NUP93: variants seen among roughly 807,000 people sequenced by gnomAD.
NUP93 encodes nuclear pore complex protein Nup93.
NUP93 carries 55 observed loss-of-function variants against 107.8 expected under a neutral mutation model. The observed-to-expected ratio is 0.51, with a 90% CI of 0.41 to 0.64. NUP93 has a LOEUF of 0.64. Ranked by LOEUF, NUP93 falls within the 30% of genes least tolerant of loss-of-function variation. NUP93 has a pLI of 0.00. For synonymous variants in NUP93, 390 were observed against 397.5 expected, an observed-to-expected ratio of 0.98 and a Z score of 0.22; for missense variants, 937 against 1,044.7, an observed-to-expected ratio of 0.90 and a Z score of 1.42.
At chr16:56,800,589 G>C (rs1962999356) in intron 4 of NUP93, among the ~76,000 whole-genome samples, 2 of 152,194 alleles carry the variant, frequency 1.3e-5, no homozygotes. Flanking sequence ...CCTTTGACCT[G>C]TCTGGACACC....
chr16:56,730,751 C>G (rs1480902853), intron 1 of NUP93, among the ~76,000 whole-genome samples: 2 of 152,134 alleles, frequency 1.3e-5, no homozygotes, highest in African/African-American at 4.8e-5. Flanking sequence ...GGTGGCCCAC[C>G]CTTCTCTGTG....
chr16:56,732,576 C>T lies in NUP93; in HGVS notation c.-15+2365C>T, dbSNP rs139482070. Among the ~76,000 whole-genome samples the T allele has an allele frequency of 1.5e-3, 230 of 152,274 alleles. 1 individual carries two copies. In the South Asian group the frequency reaches 0.034, roughly 23 times the overall value. On this transcript the variant is annotated intron_variant, in intron 1 of 21. Transcript: ENST00000308159. ...TAGTGGGTAGAGCAGGTGCAAAGAC[C>T]GTGCAGTGTGAACAGCTGGAGATGT...
chr16:56,829,693 G>C (rs1188025804), intron 9 of NUP93, among the ~76,000 whole-genome samples: 1 of 152,312 alleles, frequency 6.6e-6, no homozygotes, highest in Non-Finnish European at 1.5e-5. Context: ...ATGCACAAAT[G>C]CATGGAGGCA....
At chr16:56,764,294 C>T (rs1162600918) in intron 3 of NUP93, among the ~76,000 whole-genome samples, 1 of 152,118 alleles carries the variant, frequency 6.6e-6, no homozygotes, top group African/African-American at 2.4e-5. Flanking sequence ...AGTTCAAGAT[C>T]AGCCTAGTCA....
At chr16:56,822,564 CT>C (rs56395453) in intron 7 of NUP93, among the ~76,000 whole-genome samples, 2,842 of 126,912 alleles carry the variant, frequency 0.022, 41 homozygotes, top group East Asian at 0.079. Context: ...CTTTTCTTTT[CT>C]TTTTTTTTTT....
At chr16:56,756,718 A>G (rs1193091602) in intron 2 of NUP93, among the ~76,000 whole-genome samples, 1 of 152,202 alleles carries the variant, frequency 6.6e-6, no homozygotes, top group Non-Finnish European at 1.5e-5. Context: ...GAATTGCTAC[A>G]CTGTCTTCCA....
At position 56,844,892 on chromosome 16, in the gene NUP93, C is replaced by T; in HGVS notation, c.*283C>T. ...GGGAATGAGAGGCTATGTAGATATT[C>T]ATTATTTGGTTAAATTGACCTTAAT... On this transcript the variant is annotated 3_prime_UTR_variant, in exon 22 of 22. Coordinates refer to ENST00000308159, the MANE Select transcript of NUP93 (RefSeq NM_014669.5). 2 of 392,686 alleles carry T rather than the reference C, an allele frequency of 5.1e-6. No individual in the cohort carries two copies. The highest frequency in any genetic ancestry group is 2.1e-5 in the African/African-American group (1 of 48,338). The allele number at this position is 392,686 out of a possible 1,614,324, so 24.3% of individuals were successfully genotyped here.
chr16:56,733,379 G>A (rs1961563920), intron 1 of NUP93, among the ~76,000 whole-genome samples: 1 of 152,186 alleles, frequency 6.6e-6, no homozygotes. Context: ...GTGCAAGTCA[G>A]AGAAGGGGCG....
intron 2 of NUP93, among the ~76,000 whole-genome samples, chr16:56,750,360 A>G (rs1961896586): frequency 6.6e-6 from 1 of 152,250 alleles, no homozygotes; most frequent in African/African-American, 2.4e-5. Flanking sequence ...AGATGAGGGC[A>G]GAAGAGAGAA....
intron 3 of NUP93, among the ~76,000 whole-genome samples, chr16:56,769,890 T>C (rs1358815704): frequency 6.6e-6 from 1 of 152,234 alleles, no homozygotes; most frequent in African/African-American, 2.4e-5. Flanking sequence ...GCCGGAATGT[T>C]GAAATCTTGT....
At chr16:56,747,196 C>T (rs1163496957) in intron 1 of NUP93, among the ~76,000 whole-genome samples, 2 of 152,096 alleles carry the variant, frequency 1.3e-5, no homozygotes, top group African/African-American at 2.4e-5. Context: ...ATGGAGGTTT[C>T]ACCACGTTGG....
At chr16:56,817,188 C>T (rs1046112344) in intron 5 of NUP93, among the ~76,000 whole-genome samples, 1 of 152,160 alleles carries the variant, frequency 6.6e-6, no homozygotes, top group Non-Finnish European at 1.5e-5. Context: ...ATAGCCCCTT[C>T]ATTTGACTAA....
intron 20 of NUP93, among the ~76,000 whole-genome samples, chr16:56,840,610 C>G (rs1964004697): frequency 6.6e-6 from 1 of 152,224 alleles, no homozygotes; most frequent in Non-Finnish European, 1.5e-5. Flanking sequence ...CAGCTGTCGA[C>G]ACTATAGACT....
At chr16:56,807,909 C>A (rs1963178918) in intron 5 of NUP93, among the ~76,000 whole-genome samples, 1 of 151,198 alleles carries the variant, frequency 6.6e-6, no homozygotes, top group Non-Finnish European at 1.5e-5. Flanking sequence ...GTAATCCCAG[C>A]TACTCCAGGG....
intron 19 of NUP93, 135 bp downstream of exon 19, chr16:56,839,204 C>A: frequency 2.3e-6 from 1 of 433,820 alleles, no homozygotes; most frequent in East Asian, 4.1e-5. Context: ...AAGTACAATC[C>A]TGGGACTTAA....
intron 5 of NUP93, among the ~76,000 whole-genome samples, chr16:56,811,468 T>C (rs2144589512): frequency 6.6e-6 from 1 of 152,190 alleles, no homozygotes; most frequent in East Asian, 1.9e-4. Flanking sequence ...CAGCAGGCTT[T>C]GGGTCCCCAA....
rs191233434 is a variant in NUP93, at chr16:56,841,797, A to T, written c.2313A>T (p.Ser771=). 1 of 1,614,232 alleles carries T rather than the reference A, an allele frequency of 6.2e-7. No individual in the cohort carries two copies. The highest frequency in any genetic ancestry group is 8.5e-7 in the Non-Finnish European group (1 of 1,180,026). Residue 771 remains serine, a synonymous_variant, in exon 21 of 22, where the codon TCA becomes TCT. Coordinates refer to ENST00000308159, the MANE Select transcript of NUP93 (RefSeq NM_014669.5). ...TCAAGGGGACAAGTCCATCCTCGTC[A>T]TCCAGGCCCCAGCGAGTCATCGAGG... ...KRLKGTSPSS[S]SRPQRVIEDR... is the part of the protein sequence containing the mutation.
chr16:56,741,905 G>A (rs560593829), intron 1 of NUP93: 6 of 152,336 alleles, frequency 3.9e-5, no homozygotes, highest in African/African-American at 9.6e-5. Context: ...AATAGCTGGT[G>A]TCATCTCCCC....
At chr16:56,765,233 C>T (rs957055041) in intron 3 of NUP93, among the ~76,000 whole-genome samples, 2 of 152,196 alleles carry the variant, frequency 1.3e-5, no homozygotes, top group African/African-American at 2.4e-5. Context: ...ATATAAGAGA[C>T]TATTCCATGG....
Sources: allele counts gnomAD v4.1 joint callset (sites outside exome capture counted in the v4.1 genomes callset), GRCh38; gene constraint gnomAD v4.1.1; transcripts MANE v1.5; gene names NCBI Gene and HGNC (gene_info 2026-07-23, HGNC 2026-07-21).